P2RY2: variants seen among roughly 807,000 people sequenced by gnomAD.
The protein encoded by P2RY2 is purinergic receptor P2Y2.
For missense variants in P2RY2, 567 were observed against 515.7 expected (o/e 1.10, Z -0.96); for synonymous variants, 241 against 231.9 (o/e 1.04, Z -0.35).
Position 73,234,428 on chromosome 11 carries a change from T to C in P2RY2, c.269T>C (p.Val90Ala), listed in dbSNP as rs776607708. 2 of 1,614,188 alleles carry C rather than the reference T, an allele frequency of 1.2e-6. No individual in the cohort carries two copies. Among genetic ancestry groups the C allele is most frequent in the Non-Finnish European group, 1.7e-6 (2 of 1,180,034 alleles). Residue 90 changes from valine to alanine, a missense_variant, in exon 3 of 3, where the codon GTC becomes GCC. By Grantham distance (64) the Val-to-Ala change is moderately conservative (BLOSUM62 0). Coordinates refer to ENST00000393597, the MANE Select transcript of P2RY2 (RefSeq NM_002564.4). ...TATGCGGCCTCCCTGCCGCTGCTGG[T>C]CTATTACTACGCCCGCGGCGACCAC... ...ALYAASLPLL[V>A]YYYARGDHWP...
intron 1 of P2RY2, among the ~76,000 whole-genome samples, chr11:73,227,731 C>A (rs1160973496): frequency 1.3e-5 from 2 of 152,180 alleles, no homozygotes; most frequent in African/African-American, 4.8e-5. Context: ...TGGGGGAGAC[C>A]TTCCTCCAGG....
At chr11:73,227,788 A>G (rs1330382533) in intron 1 of P2RY2, among the ~76,000 whole-genome samples, 193 bp from the exon 2 acceptor site, 2 of 152,124 alleles carry the variant, frequency 1.3e-5, no homozygotes, top group Middle Eastern at 3.2e-3. Context: ...GGGGTTGTGG[A>G]TAACCCATTC....
At chr11:73,229,319 C>A (rs1164000943) in intron 2 of P2RY2, among the ~76,000 whole-genome samples, 1 of 152,130 alleles carries the variant, frequency 6.6e-6, no homozygotes, top group Non-Finnish European at 1.5e-5. Flanking sequence ...AAGGGTCTTA[C>A]AAGGCTCACA....
Position 73,235,282 on chromosome 11 carries a change from A to C in P2RY2, c.1123A>C (p.Ile375Leu), listed in dbSNP as rs780682826. 1.3e-6 allele frequency: 2 copies of C among 1,556,034 alleles called. No individual in the cohort carries two copies. Among genetic ancestry groups the C allele is most frequent in the South Asian group, 1.2e-5 (1 of 82,408 alleles). ...TPAGSENTKDIRL is the reference protein window; with the variant it reads ...TPAGSENTKDLRL ...GGCTGGTAGCGAGAACACTAAGGAC[A>C]TTCGGCTGTAGGAGCAGAACACTTC... The change falls in exon 3 of 3, where the codon ATT becomes CTT. Residue 375 changes from isoleucine (I) to leucine (L), a missense_variant. Transcript: ENST00000393597.
intron 1 of P2RY2, among the ~76,000 whole-genome samples, chr11:73,219,439 G>A (rs184196304): frequency 5.4e-4 from 82 of 152,328 alleles, no homozygotes; most frequent in Non-Finnish European, 8.8e-4. Flanking sequence ...CAGTGGCCTC[G>A]TCTGTAAGAA....
chr11:73,237,002 C>T lies in P2RY2; in HGVS notation c.*1709C>T, dbSNP rs1862670268. The stretch of plus-strand genomic sequence containing the variant: ...AGCCCTCGCCCTGTGGCCCACTCTG[C>T]CTGCCCCCTCTGACCTCTCCACCCT... On this transcript the variant is annotated 3_prime_UTR_variant, in exon 3 of 3. Transcript: ENST00000393597. The T allele has an allele frequency of 1.0e-6, 1 of 985,332 alleles. No individual in the cohort carries two copies. The highest frequency in any genetic ancestry group is 1.2e-6 in the Non-Finnish European group (1 of 829,878). 61.0% of individuals were successfully genotyped at this position (985,332 alleles called of 1,614,324 possible).
intron 1 of P2RY2, among the ~76,000 whole-genome samples, chr11:73,225,655 C>G (rs1483604873): frequency 6.6e-6 from 1 of 152,210 alleles, no homozygotes; most frequent in African/African-American, 2.4e-5. Flanking sequence ...AGTGGCTATG[C>G]CGTTTGCTAA....
At position 73,236,102 on chromosome 11, in the gene P2RY2, C is replaced by T. The variant is rs1862645868; in HGVS notation, c.*809C>T. Reference sequence around the variant, plus strand: ...CCTCTCTCCAGGCCCCAGGTCATCCCCCACTGTAAAGCCAGTTGGCTTCTG... The same window carrying T: ...CCTCTCTCCAGGCCCCAGGTCATCCTCCACTGTAAAGCCAGTTGGCTTCTG... On this transcript the variant is annotated 3_prime_UTR_variant, in exon 3 of 3. Coordinates refer to ENST00000393597, the MANE Select transcript of P2RY2 (RefSeq NM_002564.4). The T allele has an allele frequency of 1.0e-6, 1 of 999,188 alleles. No homozygotes were observed. Among genetic ancestry groups the T allele is most frequent in the South Asian group, 4.7e-5 (1 of 21,252 alleles). 61.9% of individuals were successfully genotyped at this position (999,188 alleles called of 1,614,324 possible). A position where few individuals can be genotyped will look rare whatever the true frequency, so the allele number is the denominator to read the frequency against.
At position 73,240,706 on chromosome 11, in the gene P2RY2, C is replaced by A. The variant is rs986479010; in HGVS notation, c.*5413C>A. On this transcript the variant is annotated 3_prime_UTR_variant, in exon 3 of 3. Transcript: ENST00000393597. ...CTCAGCCAACTTCATTAGCTCCAGT[C>A]TGTGGCTCCTGGACTGGAGCTACAG... 2.0e-5 allele frequency: 3 copies of A among 152,346 alleles called. No homozygotes were observed. The highest frequency in any genetic ancestry group is 2.1e-4 in the South Asian group (1 of 4,828). 9.4% of individuals were successfully genotyped at this position (152,346 alleles called of 1,614,324 possible). A position where few individuals can be genotyped will look rare whatever the true frequency, so the allele number is the denominator to read the frequency against.
At chr11:73,220,578 C>T (rs970255133) in intron 1 of P2RY2, among the ~76,000 whole-genome samples, 9 of 152,206 alleles carry the variant, frequency 5.9e-5, no homozygotes, top group Admixed American at 2.0e-4. Flanking sequence ...GGTTGAATGA[C>T]CAGTTCCTGC....
At position 73,235,985 on chromosome 11, in the gene P2RY2, C is replaced by T. The variant is rs1437273918; in HGVS notation, c.*692C>T. The T allele has an allele frequency of 2.0e-6, 2 of 1,000,188 alleles. No individual in the cohort carries two copies. The highest frequency in any genetic ancestry group is 1.1e-4 in the East Asian group (1 of 8,834). The allele number at this position is 1,000,188 out of a possible 1,614,324, so 62.0% of individuals were successfully genotyped here. A position where few individuals can be genotyped will look rare whatever the true frequency, so the allele number is the denominator to read the frequency against. ...GATGAGGATATGGCAGGGAAGCTTT[C>T]ACCAGCCACACAAGGGTCCTTTCTC... is the stretch of plus-strand genomic sequence containing the variant. On this transcript the variant is annotated 3_prime_UTR_variant, in exon 3 of 3. Transcript: ENST00000393597.
rs1290237890 is a variant in P2RY2 at position 73,238,051 on chromosome 11, T to C, written c.*2758T>C. Among the ~76,000 whole-genome samples the C allele has an allele frequency of 6.6e-6, 1 of 152,198 alleles. No individual in the cohort carries two copies. The highest frequency in any genetic ancestry group is 1.5e-5 in the Non-Finnish European group (1 of 68,024). On this transcript the variant is annotated 3_prime_UTR_variant, in exon 3 of 3. Coordinates refer to ENST00000393597, the MANE Select transcript of P2RY2 (RefSeq NM_002564.4). ...CATCCACTGAGCAGACCCCAGGGATTATCCAGCCCAGCTGCAGACTCAAGG... is the reference window on the plus strand; with the variant it reads ...CATCCACTGAGCAGACCCCAGGGATCATCCAGCCCAGCTGCAGACTCAAGG...
chr11:73,224,057 C>T (rs1054066655), intron 1 of P2RY2, among the ~76,000 whole-genome samples: 2 of 152,074 alleles, frequency 1.3e-5, no homozygotes, highest in Non-Finnish European at 2.9e-5. Context: ...GGTAGAGAGC[C>T]CAAGGGCCTC....
rs142939867 is a variant in P2RY2 at position 73,241,653 on chromosome 11, T to C, written c.*6360T>C. Reference sequence around the variant, plus strand: ...CTTAATTGAATGCTCACCTGTCCTCTTCCCCCATGCTGTGAGGACCTTCAT... The same window carrying C: ...CTTAATTGAATGCTCACCTGTCCTCCTCCCCCATGCTGTGAGGACCTTCAT... On this transcript the variant is annotated 3_prime_UTR_variant, in exon 3 of 3. Coordinates refer to ENST00000393597, the MANE Select transcript of P2RY2 (RefSeq NM_002564.4). 5.3e-5 allele frequency: 8 copies of C among 152,338 alleles called. No individual in the cohort carries two copies. The highest frequency in any genetic ancestry group is 1.9e-4 in the African/African-American group (8 of 41,554). 9.4% of individuals were successfully genotyped at this position (152,338 alleles called of 1,614,324 possible). A position where few individuals can be genotyped will look rare whatever the true frequency, so the allele number is the denominator to read the frequency against.
chr11:73,219,493 AGT>A (rs1862059048), intron 1 of P2RY2, among the ~76,000 whole-genome samples: 1 of 152,112 alleles, frequency 6.6e-6, no homozygotes, highest in African/African-American at 2.4e-5. Flanking sequence ...GGAGCTGATG[AGT>A]GTGTCATGTT....
chr11:73,236,295 G>A lies in P2RY2; in HGVS notation c.*1002G>A, dbSNP rs1862651316. The A allele has an allele frequency of 1.7e-6, 1 of 580,824 alleles. No individual in the cohort carries two copies. Among genetic ancestry groups the A allele is most frequent in the Non-Finnish European group, 2.2e-6 (1 of 446,374 alleles). The allele number at this position is 580,824 out of a possible 1,614,324, so 36.0% of individuals were successfully genotyped here. On this transcript the variant is annotated 3_prime_UTR_variant, in exon 3 of 3. Transcript: ENST00000393597. ...TTGTAGAACTGCCCATTTCCATGGT[G>A]CAAAAACTCTTATGGCCAAATTCAA...
At position 73,234,945 on chromosome 11, in the gene P2RY2, C is replaced by T. The variant is rs1464760213; in HGVS notation, c.786C>T (p.His262=). 5.0e-6 allele frequency: 8 copies of T among 1,610,820 alleles called. No individual in the cohort carries two copies. The highest frequency in any genetic ancestry group is 1.7e-5 in the Admixed American group (1 of 60,016). Residue 262 remains histidine (H), a synonymous_variant, in exon 3 of 3, where the codon CAC becomes CAT. Transcript: ENST00000393597. ...AVFALCFLPF[H]VTRTLYYSFR... ...TCGCCCTCTGCTTCCTGCCATTCCA[C>T]GTCACCCGCACCCTCTACTACTCCT...
rs1862743946 is a variant in P2RY2 at position 73,240,128 on chromosome 11, A to C, written c.*4835A>C. ...GGCTCTGCCTGGCCACTCCTCCTCC[A>C]ATGGGGGAATTCCTGGGCTTGCCTC... On this transcript the variant is annotated 3_prime_UTR_variant, in exon 3 of 3. Transcript: ENST00000393597. 2 of 152,204 alleles carry C rather than the reference A, an allele frequency of 1.3e-5. No homozygotes were observed. The highest frequency in any genetic ancestry group is 6.5e-5 in the Admixed American group (1 of 15,272). The allele number at this position is 152,204 out of a possible 1,614,324, so 9.4% of individuals were successfully genotyped here.
chr11:73,235,006 G>T lies in P2RY2; in HGVS notation c.847G>T (p.Ala283Ser). The T allele has an allele frequency of 6.2e-7, 1 of 1,608,974 alleles. No homozygotes were observed. The part of the protein sequence containing the change: ...SLDLSCHTLN[A>S]INMAYKVTRP... ...GGACCTCAGCTGCCACACCCTCAACGCCATCAACATGGCCTACAAGGTTAC... is the reference window on the plus strand; with the variant it reads ...GGACCTCAGCTGCCACACCCTCAACTCCATCAACATGGCCTACAAGGTTAC... The change falls in exon 3 of 3, where the codon GCC becomes TCC. Residue 283 changes from alanine (A) to serine (S), a missense_variant. Coordinates refer to ENST00000393597, the MANE Select transcript of P2RY2 (RefSeq NM_002564.4).
Sources: gnomAD v4.1 joint callset for allele counts (sites outside exome capture counted in the v4.1 genomes callset) on GRCh38, gnomAD v4.1.1 for gene constraint, MANE v1.5 for transcripts, NCBI Gene and HGNC (gene_info 2026-07-23, HGNC 2026-07-21) for gene names.